Variants in ROBO2 observed in about 807,000 individuals in gnomAD.
ROBO2 encodes the protein roundabout homolog 2.
A neutral mutation model predicts 160.8 loss-of-function variants in ROBO2; 53 were observed. The observed-to-expected ratio is 0.33, with a 90% CI of 0.26 to 0.41. The LOEUF (loss-of-function observed/expected upper bound fraction) is 0.41, where lower values mean the gene tolerates loss of function less well. Among genes scored for constraint, ROBO2 ranks in the 10% least tolerant of loss-of-function variants. The pLI, the probability that ROBO2 is intolerant of heterozygous loss-of-function variation, is 1.00. For missense variants in ROBO2, 1,577 were observed against 1,722.4 expected (o/e 0.92, Z 1.49); for synonymous variants, 664 against 611.7 (o/e 1.09, Z -1.26).
intron 2 of ROBO2, among the ~76,000 whole-genome samples, chr3:77,473,048 G>A (rs1329631930): frequency 6.6e-6 from 1 of 151,986 alleles, no homozygotes; most frequent in African/African-American, 2.4e-5. Flanking sequence ...CTTGTGCAGA[G>A]GGAGGGGTTC....
chr3:76,489,684 T>C (rs1386507937), intron 2 of ROBO2, among the ~76,000 whole-genome samples: 3 of 152,154 alleles, frequency 2.0e-5, no homozygotes, highest in Non-Finnish European at 4.4e-5. Flanking sequence ...AGCAAAATAA[T>C]TGTATTAAAT....
At chr3:76,549,767 T>C (rs769138100) in intron 2 of ROBO2, among the ~76,000 whole-genome samples, 3 of 152,194 alleles carry the variant, frequency 2.0e-5, no homozygotes, top group Non-Finnish European at 2.9e-5. Flanking sequence ...TTAGGTTTGA[T>C]TGGGATTTGT....
intron 5 of ROBO2, among the ~76,000 whole-genome samples, chr3:77,494,502 C>T (rs1316639892): frequency 2.0e-5 from 3 of 152,036 alleles, no homozygotes; most frequent in African/African-American, 4.8e-5. Flanking sequence ...TGCTTGAACC[C>T]GGGAGGCAGT....
chr3:76,316,215 G>A (rs1257126523), intron 2 of ROBO2, among the ~76,000 whole-genome samples: 1 of 152,152 alleles, frequency 6.6e-6, no homozygotes, highest in Non-Finnish European at 1.5e-5. Context: ...CAGGGCTGGT[G>A]TTTCCCAATC....
chr3:77,586,389 C>T (rs1051527415), intron 16 of ROBO2, among the ~76,000 whole-genome samples: 13 of 152,084 alleles, frequency 8.5e-5, no homozygotes, highest in Non-Finnish European at 1.2e-4. Flanking sequence ...CAAACTTTCA[C>T]GGTAATAGGT....
chr3:77,523,658 G>C (rs1383036470), intron 6 of ROBO2, among the ~76,000 whole-genome samples: 2 of 151,306 alleles, frequency 1.3e-5, no homozygotes, highest in Non-Finnish European at 3.0e-5. Flanking sequence ...AAATTACATA[G>C]TTCAAGGTAC....
intron 2 of ROBO2, among the ~76,000 whole-genome samples, chr3:77,236,465 A>G (rs1028923867): frequency 6.6e-6 from 1 of 152,162 alleles, no homozygotes; most frequent in Admixed American, 6.5e-5. Flanking sequence ...CTCGCTTCCC[A>G]TCATGGCCTG....
intron 2 of ROBO2, among the ~76,000 whole-genome samples, chr3:76,781,001 A>T (rs1376867779): frequency 6.6e-6 from 1 of 150,730 alleles, no homozygotes; most frequent in Admixed American, 6.6e-5. Context: ...AAATCACTTT[A>T]GGTATTATGA....
chr3:77,030,950 T>C (rs1452328474), intron 2 of ROBO2, among the ~76,000 whole-genome samples: 7 of 152,168 alleles, frequency 4.6e-5, no homozygotes, highest in Non-Finnish European at 8.8e-5. Flanking sequence ...TAGCCGGCAA[T>C]ACCTGTATTG....
intron 2 of ROBO2, among the ~76,000 whole-genome samples, chr3:76,148,672 C>T (rs1411431950): frequency 6.6e-6 from 1 of 151,976 alleles, no homozygotes; most frequent in Non-Finnish European, 1.5e-5. Flanking sequence ...GAACTTGCTG[C>T]CTTATTGTAA....
At chr3:76,219,843 T>C (rs909651560) in intron 2 of ROBO2, among the ~76,000 whole-genome samples, 2 of 152,080 alleles carry the variant, frequency 1.3e-5, no homozygotes, top group African/African-American at 4.8e-5. Context: ...ACCCAAAGGA[T>C]TATAAATCAT....
At chr3:76,916,350 A>G (rs1211451067) in intron 2 of ROBO2, among the ~76,000 whole-genome samples, 1 of 151,920 alleles carries the variant, frequency 6.6e-6, no homozygotes, top group Non-Finnish European at 1.5e-5. Flanking sequence ...ACAGATATGT[A>G]CCTTTTTTGG....
intron 2 of ROBO2, among the ~76,000 whole-genome samples, chr3:76,752,959 A>T (rs2060762499): frequency 6.6e-6 from 1 of 152,082 alleles, no homozygotes; most frequent in South Asian, 2.1e-4. Context: ...CCAATGAAGA[A>T]TTCATAATAT....
intron 24 of ROBO2, 151 bp downstream of exon 25, chr3:77,635,194 C>T: frequency 5.3e-6 from 4 of 755,490 alleles, no homozygotes; most frequent in East Asian, 2.7e-5. Context: ...TTAAATAAAA[C>T]ACCATTTTTA....
chr3:76,315,450 G>A (rs779392838), intron 2 of ROBO2, among the ~76,000 whole-genome samples: 3 of 152,188 alleles, frequency 2.0e-5, no homozygotes, highest in Non-Finnish European at 4.4e-5. Flanking sequence ...CACATACTAC[G>A]GTATTGCAAC....
intron 5 of ROBO2, among the ~76,000 whole-genome samples, chr3:77,503,397 G>A (rs371824426): frequency 1.5e-4 from 22 of 151,058 alleles, no homozygotes; most frequent in South Asian, 4.2e-4. Flanking sequence ...TGGTGGCGGC[G>A]CCTGTAGTCC....
intron 2 of ROBO2, among the ~76,000 whole-genome samples, chr3:76,377,593 A>T (rs1283442232): frequency 1.3e-5 from 2 of 152,142 alleles, no homozygotes; most frequent in Non-Finnish European, 2.9e-5. Flanking sequence ...CTTTCTTTGA[A>T]GTTATTTTTA....
chr3:76,433,862 C>T (rs2076547318), intron 2 of ROBO2, among the ~76,000 whole-genome samples: 1 of 152,190 alleles, frequency 6.6e-6, no homozygotes. Context: ...TTAGAATTCA[C>T]ATCTCTATCT....
intron 3 of ROBO2, among the ~76,000 whole-genome samples, chr3:77,478,864 G>A (rs900374124): frequency 1.3e-5 from 2 of 152,132 alleles, no homozygotes; most frequent in African/African-American, 2.4e-5. Context: ...CTGGTATAGA[G>A]GCAAAGATAT....
Sources: allele counts gnomAD v4.1 joint callset (sites outside exome capture counted in the v4.1 genomes callset), GRCh38; gene constraint gnomAD v4.1.1; transcripts MANE v1.5; gene names NCBI Gene and HGNC (gene_info 2026-07-23, HGNC 2026-07-21).